RAB27A: variants seen among roughly 807,000 people sequenced by gnomAD.
RAB27A encodes the protein ras-related protein Rab-27A.
RAB27A carries 17 observed loss-of-function variants against 20.8 expected under a neutral mutation model. That is an observed-to-expected ratio of 0.82 (90% confidence interval 0.56 to 1.23). RAB27A has a LOEUF of 1.23. RAB27A is among the 50% of genes most tolerant of loss of function. The probability of loss-of-function intolerance (pLI) is 0.00; values close to 1 mark genes in which losing one functional copy is unlikely to be tolerated. For synonymous variants in RAB27A, 85 were observed against 92.8 expected (o/e 0.92, Z 0.48); for missense variants, 277 against 266.7 (o/e 1.04, Z -0.27).
intron 3 of RAB27A, among the ~76,000 whole-genome samples, chr15:55,233,627 T>A (rs902006866): frequency 6.6e-6 from 1 of 152,160 alleles, no homozygotes; most frequent in African/African-American, 2.4e-5. Flanking sequence ...AAGCCATTGA[T>A]AGAAAATTCA....
At chr15:55,270,755 C>T (rs1315703034) in intron 1 of RAB27A, 4 of 152,232 alleles carry the variant, frequency 2.6e-5, no homozygotes, top group Non-Finnish European at 5.9e-5. Flanking sequence ...AGATTACTTA[C>T]CAGACCTTGC....
rs1292945099 is a variant in RAB27A at position 55,205,143 on chromosome 15, G to A, written c.*364C>T. 3.0e-5 allele frequency: 9 copies of A among 296,252 alleles called. No homozygotes were observed. The highest frequency in any genetic ancestry group is 9.8e-5 in the Admixed American group (2 of 20,504). 18.4% of individuals were successfully genotyped at this position (296,252 alleles called of 1,614,324 possible). ...ACTGCATGTAAGATCTTAAATGTAAGACTCTGGGCCTACCTACATTAAGGC... is the reference window on the plus strand; with the variant it reads ...ACTGCATGTAAGATCTTAAATGTAAAACTCTGGGCCTACCTACATTAAGGC... On this transcript the variant is annotated 3_prime_UTR_variant, in exon 7 of 7. Transcript: ENST00000336787.
intron 2 of RAB27A, among the ~76,000 whole-genome samples, chr15:55,310,481 A>G (rs1383527642): frequency 6.6e-6 from 1 of 152,150 alleles, no homozygotes; most frequent in Non-Finnish European, 1.5e-5. Context: ...CCCTTGACAT[A>G]AGGGGCATGG....
In RAB27A at chr15:55,205,090, C is replaced by A; in HGVS notation, c.*417G>T. ...TCACCTATGGCATGAGTCTTCAAAT[C>A]TGGATTGAAGACTGTGGCGGTTTTA... On this transcript the variant is annotated 3_prime_UTR_variant, in exon 7 of 7. Transcript: ENST00000336787. 1 of 219,224 alleles carries A rather than the reference C, an allele frequency of 4.6e-6. No homozygotes were observed. Among genetic ancestry groups the A allele is most frequent in the South Asian group, 6.5e-5 (1 of 15,312 alleles). 13.6% of individuals were successfully genotyped at this position (219,224 alleles called of 1,614,324 possible).
At chr15:55,318,735 A>AC (rs58097333) in intron 1 of RAB27A, 3 of 150,542 alleles carry the variant, frequency 2.0e-5, no homozygotes, top group African/African-American at 7.4e-5. Flanking sequence ...CAAAAAAAAA[A>AC]CCTAACAACA....
At chr15:55,273,395 C>G (rs541244040) in intron 1 of RAB27A, among the ~76,000 whole-genome samples, 1 of 143,244 alleles carries the variant, frequency 7.0e-6, no homozygotes, top group Admixed American at 7.1e-5. Context: ...GGCGACAGAG[C>G]GAGACTCCAT....
chr15:55,314,389 T>C (rs1178376690), intron 1 of RAB27A, among the ~76,000 whole-genome samples: 1 of 152,178 alleles, frequency 6.6e-6, no homozygotes, highest in East Asian at 1.9e-4. Context: ...TCTGTCACTA[T>C]TCATATTCAA....
chr15:55,262,259 C>T (rs997259449), intron 2 of RAB27A, among the ~76,000 whole-genome samples: 2 of 151,410 alleles, frequency 1.3e-5, no homozygotes, highest in South Asian at 2.1e-4. Flanking sequence ...TATAAAAAGT[C>T]GGCCAGGCGC....
intron 6 of RAB27A, among the ~76,000 whole-genome samples, chr15:55,219,109 C>T (rs1418440591): frequency 6.6e-6 from 1 of 152,090 alleles, no homozygotes; most frequent in Non-Finnish European, 1.5e-5. Flanking sequence ...TTATTATGAC[C>T]ACCAACTATC....
chr15:55,318,375 G>A (rs1465313798), intron 1 of RAB27A, among the ~76,000 whole-genome samples: 1 of 150,420 alleles, frequency 6.6e-6, no homozygotes, highest in Non-Finnish European at 1.5e-5. Context: ...GGGAATACAG[G>A]CGTGAGCCAC....
intron 2 of RAB27A, among the ~76,000 whole-genome samples, chr15:55,245,859 C>T (rs942979572): frequency 1.6e-4 from 24 of 152,242 alleles, no homozygotes; most frequent in Admixed American, 9.2e-4. Flanking sequence ...CCAGTAACTC[C>T]AGCACTTTGG....
intron 2 of RAB27A, among the ~76,000 whole-genome samples, chr15:55,307,378 C>T (rs1462123141): frequency 6.6e-6 from 1 of 152,012 alleles, no homozygotes; most frequent in Non-Finnish European, 1.5e-5. Context: ...AGGCTATAGA[C>T]AACAGAGCAG....
Position 55,221,571 on chromosome 15 carries a change from C to T in RAB27A, c.467+2318G>A, listed in dbSNP as rs1464543744. Among the ~76,000 whole-genome samples, 7 of 152,066 alleles carry T rather than the reference C, an allele frequency of 4.6e-5. No homozygotes were observed. In the East Asian group the frequency reaches 7.7e-4, roughly 17 times the overall value. On this transcript the variant is annotated intron_variant, in intron 6 of 6. Coordinates refer to ENST00000336787, the MANE Select transcript of RAB27A (RefSeq NM_183235.3). ...TCTCAACCATTGCACATGAAGATCA[C>T]GTGGGGAGATTTTAAAAGATACCAA...
At chr15:55,211,348 G>A (rs1371916920) in intron 6 of RAB27A, among the ~76,000 whole-genome samples, 1 of 152,064 alleles carries the variant, frequency 6.6e-6, no homozygotes. Context: ...TTTGGGAAGT[G>A]TTATCATTTT....
chr15:55,214,172 G>C (rs6493772), intron 6 of RAB27A, among the ~76,000 whole-genome samples: 150,247 of 152,348 alleles, frequency 0.99, 74,114 homozygotes, highest in Middle Eastern at 1. Context: ...CGCGATGGCT[G>C]ATGCCTGTAA....
intron 1 of RAB27A, among the ~76,000 whole-genome samples, chr15:55,314,512 G>C (rs1874413404): frequency 1.3e-5 from 2 of 152,164 alleles, no homozygotes; most frequent in Admixed American, 6.6e-5. Flanking sequence ...TGTGTATTTA[G>C]AAAACCCCAC....
At chr15:55,227,589 A>G (rs1156320347) in intron 5 of RAB27A, among the ~76,000 whole-genome samples, 6 of 152,220 alleles carry the variant, frequency 3.9e-5, no homozygotes, top group Non-Finnish European at 7.3e-5. Context: ...TTAAAAAGGA[A>G]AGCCAAAGCT....
chr15:55,268,091 T>C (rs1030446818), intron 2 of RAB27A, among the ~76,000 whole-genome samples: 1 of 151,710 alleles, frequency 6.6e-6, no homozygotes, highest in African/African-American at 2.4e-5. Context: ...ATGTATTAAA[T>C]CCAACTTCAT....
chr15:55,313,183 A>G (rs984876482), intron 2 of RAB27A, among the ~76,000 whole-genome samples: 5 of 152,254 alleles, frequency 3.3e-5, no homozygotes, highest in African/African-American at 4.8e-5. Context: ...TGGGAGGCCA[A>G]GGGAAGAAGA....
Sources: gnomAD v4.1 joint callset for allele counts (sites outside exome capture counted in the v4.1 genomes callset) on GRCh38, gnomAD v4.1.1 for gene constraint, MANE v1.5 for transcripts, NCBI Gene and HGNC (gene_info 2026-07-23, HGNC 2026-07-21) for gene names.